DESI2: variants seen among roughly 807,000 people sequenced by gnomAD.
The protein encoded by DESI2 is deubiquitinase DESI2.
In DESI2, 10 loss-of-function variants were observed where a neutral mutation model predicts 24.1. The ratio of observed to expected loss-of-function variants is 0.41; its 90% confidence interval spans 0.26 to 0.70. DESI2 has a LOEUF of 0.70. Ranked by LOEUF, DESI2 falls within the 30% of genes least tolerant of loss-of-function variation. The pLI is 0.29. For synonymous variants in DESI2, 71 were observed against 87.7 expected (o/e 0.81, Z 1.06); for missense variants, 122 against 234.9 (o/e 0.52, Z 3.14).
intron 1 of DESI2, among the ~76,000 whole-genome samples, chr1:244,683,364 T>C (rs1410065842): frequency 2.0e-5 from 3 of 152,010 alleles, no homozygotes; most frequent in Non-Finnish European, 4.4e-5. Context: ...CAGGCTGGAG[T>C]GCAGTGGCGT....
At position 244,667,879 on chromosome 1, in the gene DESI2, G is replaced by A. The variant is rs576656257; in HGVS notation, c.42+14524G>A. On this transcript the variant is annotated intron_variant, in intron 1 of 4. Coordinates refer to ENST00000302550, the MANE Select transcript of DESI2 (RefSeq NM_016076.5). ...AGAGGGCTGAAAGACACAAGCCATT[G>A]CTGGTGCTGAAGCGTAGTCACTCAT... is the stretch of plus-strand genomic sequence containing the variant. 1.3e-4 allele frequency among the ~76,000 whole-genome samples: 20 copies of A among 152,338 alleles called. No individual in the cohort carries two copies. The South Asian group carries it at 1.5e-3, about 11-fold the overall frequency.
intron 4 of DESI2, among the ~76,000 whole-genome samples, chr1:244,694,936 C>T (rs1323330656): frequency 6.6e-6 from 1 of 152,226 alleles, no homozygotes; most frequent in Non-Finnish European, 1.5e-5. Context: ...TAGGTCCCTT[C>T]GAATTGGGTG....
At chr1:244,657,195 C>A (rs1109648) in intron 1 of DESI2, among the ~76,000 whole-genome samples, 1 of 152,098 alleles carries the variant, frequency 6.6e-6, no homozygotes, top group Non-Finnish European at 1.5e-5. Flanking sequence ...TCTTTTGACG[C>A]CTGTCTCCAT....
chr1:244,660,429 G>T (rs1431328267), intron 1 of DESI2, among the ~76,000 whole-genome samples: 1 of 152,190 alleles, frequency 6.6e-6, no homozygotes, highest in Non-Finnish European at 1.5e-5. Flanking sequence ...GCCGCCCAAA[G>T]TGCTGGGATT....
At position 244,697,891 on chromosome 1, in the gene DESI2, G is replaced by A. The variant is rs529021255; in HGVS notation, c.351+5871G>A. On this transcript the variant is annotated intron_variant, in intron 4 of 4. Transcript: ENST00000302550. Reference sequence around the variant, plus strand: ...GGTTGAATCAGTTCTCAGGGCTGGAGCAAAGTAAAAAAGGGCAGAGGACAT... The same window carrying A: ...GGTTGAATCAGTTCTCAGGGCTGGAACAAAGTAAAAAAGGGCAGAGGACAT... Among the ~76,000 whole-genome samples the A allele has an allele frequency of 1.1e-4, 17 of 152,292 alleles. No homozygotes were observed. In the South Asian group the frequency reaches 3.3e-3, roughly 30 times the overall value.
intron 1 of DESI2, among the ~76,000 whole-genome samples, chr1:244,666,037 A>C (rs36058303): frequency 0.39 from 60,014 of 151,954 alleles, 13,606 homozygotes; most frequent in Middle Eastern, 0.51. Context: ...CACAAACCCC[A>C]AGAGGGCCCT....
rs539060582 is a variant in DESI2, at chr1:244,689,873, A to G, written c.209+531A>G. 1.2e-4 allele frequency among the ~76,000 whole-genome samples: 18 copies of G among 152,296 alleles called. No individual in the cohort carries two copies. Among genetic ancestry groups the G allele is most frequent in the Admixed American group, 1.1e-3 (17 of 15,298 alleles). On this transcript the variant is annotated intron_variant, in intron 3 of 4. Transcript: ENST00000302550. This position sits in a 1 kb window ranked among gnomAD's most constrained non-coding sequence, Gnocchi z 4.0. Reference sequence around the variant, plus strand: ...CCTGTTTGAAAGGAGAAAAAGTTTTATTGTGACCTACCTAGCAAATTAAAA... The same window carrying G: ...CCTGTTTGAAAGGAGAAAAAGTTTTGTTGTGACCTACCTAGCAAATTAAAA...
intron 4 of DESI2, among the ~76,000 whole-genome samples, chr1:244,698,855 A>T (rs2148815729): frequency 6.6e-6 from 1 of 152,278 alleles, no homozygotes; most frequent in African/African-American, 2.4e-5. Flanking sequence ...CGAACTGCTG[A>T]TCTGTTCTGT....
chr1:244,703,848 T>C (rs551602537), intron 4 of DESI2, among the ~76,000 whole-genome samples: 15 of 152,084 alleles, frequency 9.9e-5, no homozygotes, highest in East Asian at 3.9e-4. Context: ...TTAGTAGAGA[T>C]GGGGTTTCAC....
chr1:244,654,111 G>A (rs1281730367), intron 1 of DESI2: 2 of 442,342 alleles, frequency 4.5e-6, no homozygotes, highest in African/African-American at 4.1e-5. Flanking sequence ...TGGCAAGCAC[G>A]CAGAATCGAG....
chr1:244,701,572 G>T (rs1341642133), intron 4 of DESI2, among the ~76,000 whole-genome samples: 2 of 152,188 alleles, frequency 1.3e-5, no homozygotes, highest in South Asian at 4.1e-4. Context: ...GGCCATAGAA[G>T]ATTATTCCCA....
Position 244,653,167 on chromosome 1 carries a change from C to T in DESI2, c.-147C>T, listed in dbSNP as rs1032711566. The T allele has an allele frequency of 5.2e-6, 4 of 771,004 alleles. No homozygotes were observed. Among genetic ancestry groups the T allele is most frequent in the Admixed American group, 4.3e-5 (1 of 23,064 alleles). The allele number at this position is 771,004 out of a possible 1,614,324, so 47.8% of individuals were successfully genotyped here. ...GGCGCCCGGGAGCGGCTCGGCTGCCCGATGCTTCCGCCCCGGCTGCCGCGG... is the reference window on the plus strand; with the variant it reads ...GGCGCCCGGGAGCGGCTCGGCTGCCTGATGCTTCCGCCCCGGCTGCCGCGG... On this transcript the variant is annotated 5_prime_UTR_variant, in exon 1 of 5. Transcript: ENST00000302550.
chr1:244,654,928 G>A (rs897088764), intron 1 of DESI2, among the ~76,000 whole-genome samples: 2 of 152,182 alleles, frequency 1.3e-5, no homozygotes, highest in African/African-American at 4.8e-5. Context: ...TAAATTAGGA[G>A]TATACAGTGG....
Position 244,653,212 on chromosome 1 carries a change from G to T in DESI2, c.-102G>T, listed in dbSNP as rs575304482. The T allele has an allele frequency of 1.8e-5, 22 of 1,249,666 alleles. No homozygotes were observed. Among genetic ancestry groups the T allele is most frequent in the Non-Finnish European group, 2.3e-5 (22 of 943,908 alleles). 77.4% of individuals were successfully genotyped at this position (1,249,666 alleles called of 1,614,324 possible). A position where few individuals can be genotyped will look rare whatever the true frequency, so the allele number is the denominator to read the frequency against. ...CCGCGGGCCGGGCTGTACGCTTAGT[G>T]CCCGGCTCAGGCCCCCTGAAGCGCC... On this transcript the variant is annotated 5_prime_UTR_variant, in exon 1 of 5. Transcript: ENST00000302550.
chr1:244,677,871 G>C (rs1676463258), intron 1 of DESI2, among the ~76,000 whole-genome samples: 1 of 152,162 alleles, frequency 6.6e-6, no homozygotes, highest in Non-Finnish European at 1.5e-5. Context: ...AGTGAGCTAT[G>C]ATCGTACCAC....
intron 1 of DESI2, among the ~76,000 whole-genome samples, chr1:244,679,140 G>A (rs1558657903): frequency 6.6e-6 from 1 of 152,048 alleles, no homozygotes; most frequent in African/African-American, 2.4e-5. Flanking sequence ...CTGGGCTCAG[G>A]TAATCAATCC....
intron 1 of DESI2, among the ~76,000 whole-genome samples, chr1:244,663,829 T>G (rs1001146659): frequency 2.0e-5 from 3 of 151,826 alleles, no homozygotes; most frequent in Middle Eastern, 3.4e-3. Flanking sequence ...CCATCCTGGC[T>G]AACACGGTGA....
chr1:244,692,387 TTAA>T (rs1246369744), intron 4 of DESI2, among the ~76,000 whole-genome samples: 1 of 152,070 alleles, frequency 6.6e-6, no homozygotes, highest in Non-Finnish European at 1.5e-5. Context: ...CTGGCTCTTA[TTAA>T]TAAGTAATTC....
At chr1:244,679,757 C>T (rs1391773549) in intron 1 of DESI2, among the ~76,000 whole-genome samples, 1 of 151,606 alleles carries the variant, frequency 6.6e-6, no homozygotes, top group African/African-American at 2.4e-5. Flanking sequence ...TGTAATCCCC[C>T]TTGCATGGCT....
Sources: gnomAD v4.1 joint callset for allele counts (sites outside exome capture counted in the v4.1 genomes callset) on GRCh38, gnomAD v4.1.1 for gene constraint, Gnocchi (gnomAD v3.1) non-coding constraint, MANE v1.5 for transcripts, NCBI Gene and HGNC (gene_info 2026-07-23, HGNC 2026-07-21) for gene names.